The following EN2 variants were observed in gnomAD, a reference collection of about 807,000 sequenced individuals.
EN2 encodes homeobox protein engrailed-2.
A neutral mutation model predicts 25.0 loss-of-function variants in EN2; 7 were observed. The ratio of observed to expected loss-of-function variants is 0.28; its 90% CI spans 0.16 to 0.53. EN2 has a LOEUF of 0.53. Ranked by LOEUF, EN2 falls within the 20% of genes least tolerant of loss-of-function variation. The pLI is 0.96. For missense variants in EN2, 524 were observed against 501.8 expected, an observed-to-expected ratio of 1.04 and a Z score of -0.42; for synonymous variants, 277 against 243.3, an observed-to-expected ratio of 1.14 and a Z score of -1.29.
rs1014148152 is a variant in EN2, at chr7:155,464,273, T to C, written c.*1586T>C. ...TATAAACAAACACATTATCTATATA[T>C]AACGCCACACTGTCTTCTGTTTAGT... On this transcript the variant is annotated 3_prime_UTR_variant, in exon 2 of 2. Transcript: ENST00000297375. The C allele has an allele frequency of 1.3e-5, 2 of 152,314 alleles. No homozygotes were observed. The highest frequency in any genetic ancestry group is 4.8e-5 in the African/African-American group (2 of 41,460). 9.4% of individuals were successfully genotyped at this position (152,314 alleles called of 1,614,324 possible).
intron 1 of EN2, among the ~76,000 whole-genome samples, chr7:155,461,285 C>A (rs1258082875): frequency 6.6e-6 from 1 of 152,242 alleles, no homozygotes; most frequent in Non-Finnish European, 1.5e-5. Flanking sequence ...GGCGAGGTCA[C>A]CACTCCCTGC....
At chr7:155,459,588 C>T (rs1456292932) in intron 1 of EN2, among the ~76,000 whole-genome samples, 1 of 152,274 alleles carries the variant, frequency 6.6e-6, no homozygotes, top group Non-Finnish European at 1.5e-5. Context: ...AAGGCGAGGC[C>T]CTTTGCCGCT....
In EN2 at chr7:155,462,648, C is replaced by T. The variant is rs772842405; in HGVS notation, c.963C>T (p.His321=). 6 of 1,605,966 alleles carry T rather than the reference C, an allele frequency of 3.7e-6. No individual in the cohort carries two copies. The highest frequency in any genetic ancestry group is 1.3e-5 in the African/African-American group (1 of 74,772). ...VHLMAQGLYN[H]STTAKEGKSD... Reference sequence around the variant, plus strand: ...TCATGGCACAGGGCTTGTACAACCACTCCACCACAGCCAAGGAGGGCAAGT... The same window carrying T: ...TCATGGCACAGGGCTTGTACAACCATTCCACCACAGCCAAGGAGGGCAAGT... Residue 321 remains histidine, a synonymous_variant, in exon 2 of 2, where the codon CAC becomes CAT. Transcript: ENST00000297375.
At position 155,458,648 on chromosome 7, in the gene EN2, G is replaced by A; in HGVS notation, c.271G>A (p.Gly91Ser). The A allele has an allele frequency of 7.1e-7, 1 of 1,408,048 alleles. No homozygotes were observed. Among genetic ancestry groups the A allele is most frequent in the South Asian group, 1.6e-5 (1 of 62,922 alleles). 87.2% of individuals were successfully genotyped at this position (1,408,048 alleles called of 1,614,324 possible). A position where few individuals can be genotyped will look rare whatever the true frequency, so the allele number is the denominator to read the frequency against. The change falls in exon 1 of 2, where the codon GGC becomes AGC. Residue 91 changes from glycine to serine, a missense_variant. By Grantham distance (56) the Gly-to-Ser change is moderately conservative (BLOSUM62 0). Coordinates refer to ENST00000297375, the MANE Select transcript of EN2 (RefSeq NM_001427.4). ...RRKDAGTCCA[G>S]AGGGRGGGAG... ...AAAGGACGCGGGGACCTGCTGTGCG[G>A]GCGCGGGAGGAGGAAGGGGCGGCGG...
Position 155,462,835 on chromosome 7 carries a change from TC to T in EN2, c.*149del. On this transcript the variant is annotated 3_prime_UTR_variant, in exon 2 of 2. Transcript: ENST00000297375. ...GGTTCTGAAATATTCTATGTATATATCATTTACAGGTGGTATAAAATCCAAA... is the reference window on the plus strand; with the variant it reads ...GGTTCTGAAATATTCTATGTATATATATTTACAGGTGGTATAAAATCCAAA... 4.1e-6 allele frequency: 4 copies of T among 985,316 alleles called. No homozygotes were observed. Among genetic ancestry groups the T allele is most frequent in the Non-Finnish European group, 4.2e-6 (3 of 713,686 alleles). 61.0% of individuals were successfully genotyped at this position (985,316 alleles called of 1,614,324 possible).
chr7:155,458,972 A>T lies in EN2; in HGVS notation c.595A>T (p.Ser199Cys), dbSNP rs1795663576. The change falls in exon 1 of 2, where the codon AGC (serine) becomes TGC (cysteine). Residue 199 changes from serine to cysteine, a missense_variant. Transcript: ENST00000297375. ...GDLSVSSDSDSSQAGANLGAQ... is the reference protein window; with the variant it reads ...GDLSVSSDSDCSQAGANLGAQ... ...CCTGTCGGTGAGCTCGGACTCGGAC[A>T]GCTCGCAAGCCGGCGCCAACCTGGG... 1.9e-6 allele frequency: 3 copies of T among 1,541,732 alleles called. No homozygotes were observed. The highest frequency in any genetic ancestry group is 1.2e-5 in the South Asian group (1 of 84,828).
Position 155,463,814 on chromosome 7 carries a change from G to A in EN2, c.*1127G>A, listed in dbSNP as rs1181871934. 2 of 152,266 alleles carry A rather than the reference G, an allele frequency of 1.3e-5. No individual in the cohort carries two copies. The highest frequency in any genetic ancestry group is 4.8e-5 in the African/African-American group (2 of 41,472). 9.4% of individuals were successfully genotyped at this position (152,266 alleles called of 1,614,324 possible). A position where few individuals can be genotyped will look rare whatever the true frequency, so the allele number is the denominator to read the frequency against. On this transcript the variant is annotated 3_prime_UTR_variant, in exon 2 of 2. Coordinates refer to ENST00000297375, the MANE Select transcript of EN2 (RefSeq NM_001427.4). ...TGAGGCCATGGCTCACTGTTTCTGGGCGGGCAGAAGGCTCTGTAGAGGGAG... is the reference window on the plus strand; with the variant it reads ...TGAGGCCATGGCTCACTGTTTCTGGACGGGCAGAAGGCTCTGTAGAGGGAG...
chr7:155,458,652 CG>C lies in EN2; in HGVS notation c.278del (p.Gly93GlufsTer101). 1 of 1,401,818 alleles carries C rather than the reference CG, an allele frequency of 7.1e-7. No individual in the cohort carries two copies. The allele number at this position is 1,401,818 out of a possible 1,614,324, so 86.8% of individuals were successfully genotyped here. A position where few individuals can be genotyped will look rare whatever the true frequency, so the allele number is the denominator to read the frequency against. ...RKDAGTCCAG[A>X]GGGRGGGAGG... The stretch of plus-strand genomic sequence containing the variant: ...GACGCGGGGACCTGCTGTGCGGGCG[CG>C]GGAGGAGGAAGGGGCGGCGGAGCCG... On this transcript the variant is annotated frameshift_variant, in exon 1 of 2. Transcript: ENST00000297375. LOFTEE classifies it high-confidence loss of function.
At position 155,458,356 on chromosome 7, in the gene EN2, T is replaced by C; in HGVS notation, c.-22T>C. On this transcript the variant is annotated 5_prime_UTR_variant, in exon 1 of 2. Transcript: ENST00000297375. ...TGGAAGGGCGTCCCCGGAGAACCAG[T>C]GTGGGATTTACTGTGAACAGCATGG... 1 of 1,285,196 alleles carries C rather than the reference T, an allele frequency of 7.8e-7. No homozygotes were observed. Among genetic ancestry groups the C allele is most frequent in the Non-Finnish European group, 9.9e-7 (1 of 1,009,728 alleles). 79.6% of individuals were successfully genotyped at this position (1,285,196 alleles called of 1,614,324 possible). A position where few individuals can be genotyped will look rare whatever the true frequency, so the allele number is the denominator to read the frequency against.
Position 155,463,165 on chromosome 7 carries a change from G to A in EN2, c.*478G>A, listed in dbSNP as rs1795716709. ...TTGTGTTGGCTTGGTGAGGACAGCA[G>A]GAGGGGCCCACACCTCAAGCCTGGA... On this transcript the variant is annotated 3_prime_UTR_variant, in exon 2 of 2. Coordinates refer to ENST00000297375, the MANE Select transcript of EN2 (RefSeq NM_001427.4). 1 of 155,162 alleles carries A rather than the reference G, an allele frequency of 6.4e-6. No individual in the cohort carries two copies. The highest frequency in any genetic ancestry group is 6.5e-5 in the Admixed American group (1 of 15,372). 9.6% of individuals were successfully genotyped at this position (155,162 alleles called of 1,614,324 possible).
rs1266719649 is a variant in EN2 at position 155,458,319 on chromosome 7, C to T, written c.-59C>T. ...GTCTCCGTGTGCGCCGCGGGAGGGC[C>T]GAAGGCTGATTTGGAAGGGCGTCCC... On this transcript the variant is annotated 5_prime_UTR_variant, in exon 1 of 2. Coordinates refer to ENST00000297375, the MANE Select transcript of EN2 (RefSeq NM_001427.4). 6 of 1,265,882 alleles carry T rather than the reference C, an allele frequency of 4.7e-6. No homozygotes were observed. The highest frequency in any genetic ancestry group is 6.0e-6 in the Non-Finnish European group (6 of 999,142). The allele number at this position is 1,265,882 out of a possible 1,614,324, so 78.4% of individuals were successfully genotyped here. A position where few individuals can be genotyped will look rare whatever the true frequency, so the allele number is the denominator to read the frequency against.
chr7:155,458,464 G>C lies in EN2; in HGVS notation c.87G>C (p.Ser29=). 7.7e-7 allele frequency: 1 copy of C among 1,301,132 alleles called. No individual in the cohort carries two copies. Among genetic ancestry groups the C allele is most frequent in the Non-Finnish European group, 9.8e-7 (1 of 1,024,002 alleles). The allele number at this position is 1,301,132 out of a possible 1,614,324, so 80.6% of individuals were successfully genotyped here. The change falls in exon 1 of 2, where the codon TCG becomes TCC. Residue 29 remains serine, a synonymous_variant. Coordinates refer to ENST00000297375, the MANE Select transcript of EN2 (RefSeq NM_001427.4). ...RQPESSPGGG[S]GGGGGSSPGE... ...CGGAATCCAGCCCCGGCGGCGGCTC[G>C]GGCGGCGGCGGCGGTAGCAGCCCGG...
In EN2 at chr7:155,462,444, C is replaced by T. The variant is rs753930381; in HGVS notation, c.759C>T (p.Ala253=). 22 of 1,614,024 alleles carry T rather than the reference C, an allele frequency of 1.4e-5. No homozygotes were observed. Among genetic ancestry groups the T allele is most frequent in the African/African-American group, 9.3e-5 (7 of 74,934 alleles). The part of the protein sequence containing the change: ...EDKRPRTAFT[A]EQLQRLKAEF... ...AGCGGCCGCGCACGGCCTTTACCGC[C>T]GAGCAGCTGCAGAGGCTCAAGGCCG... is the stretch of plus-strand genomic sequence containing the variant. The change falls in exon 2 of 2, where the codon GCC becomes GCT. Residue 253 remains alanine, a synonymous_variant. Coordinates refer to ENST00000297375, the MANE Select transcript of EN2 (RefSeq NM_001427.4).
rs1312987017 is a variant in EN2 at position 155,464,132 on chromosome 7, TATC to T, written c.*1450_*1452del. 2.6e-5 allele frequency: 4 copies of T among 152,258 alleles called. No individual in the cohort carries two copies. The highest frequency in any genetic ancestry group is 2.6e-4 in the Admixed American group (4 of 15,292). The allele number at this position is 152,258 out of a possible 1,614,324, so 9.4% of individuals were successfully genotyped here. A position where few individuals can be genotyped will look rare whatever the true frequency, so the allele number is the denominator to read the frequency against. On this transcript the variant is annotated 3_prime_UTR_variant, in exon 2 of 2. Transcript: ENST00000297375. The stretch of plus-strand genomic sequence containing the variant: ...AGAAAGTGTGTAAATAATCATTTCT[TATC>T]ATCACTTTTTGTCTTTTCTTGTTTT...
At chr7:155,460,045 C>T (rs2116600582) in intron 1 of EN2, among the ~76,000 whole-genome samples, 1 of 152,360 alleles carries the variant, frequency 6.6e-6, no homozygotes, top group South Asian at 2.1e-4. Flanking sequence ...AAACCCTCAA[C>T]TATTTTGCGG....
Position 155,458,965 on chromosome 7 carries a change from C to G in EN2, c.588C>G (p.Asp196Glu). Residue 196 changes from aspartate (D) to glutamate (E), a missense_variant, in exon 1 of 2, where the codon GAC (aspartate) becomes GAG (glutamate). Transcript: ENST00000297375. ...LGGGDLSVSS[D>E]SDSSQAGANL... ...GCGGCGACCTGTCGGTGAGCTCGGA[C>G]TCGGACAGCTCGCAAGCCGGCGCCA... 1.3e-6 allele frequency: 2 copies of G among 1,537,144 alleles called. No individual in the cohort carries two copies. The highest frequency in any genetic ancestry group is 2.8e-5 in the African/African-American group (2 of 71,058).
Position 155,458,309 on chromosome 7 carries a change from G to C in EN2, c.-69G>C. ...GGGCGCGGGGGTCTCCGTGTGCGCC[G>C]CGGGAGGGCCGAAGGCTGATTTGGA... On this transcript the variant is annotated 5_prime_UTR_variant, in exon 1 of 2. Coordinates refer to ENST00000297375, the MANE Select transcript of EN2 (RefSeq NM_001427.4). The C allele has an allele frequency of 8.0e-7, 1 of 1,256,546 alleles. No individual in the cohort carries two copies. Among genetic ancestry groups the C allele is most frequent in the Non-Finnish European group, 1.0e-6 (1 of 994,120 alleles). The allele number at this position is 1,256,546 out of a possible 1,614,324, so 77.8% of individuals were successfully genotyped here. A position where few individuals can be genotyped will look rare whatever the true frequency, so the allele number is the denominator to read the frequency against.
rs73734523 is a variant in EN2 at position 155,459,382 on chromosome 7, C to T, written c.685+320C>T. Among the ~76,000 whole-genome samples the T allele has an allele frequency of 3.2e-3, 481 of 152,320 alleles. 3 individuals are homozygous for T. The highest frequency in any genetic ancestry group is 0.011 in the African/African-American group (442 of 41,584). The stretch of plus-strand genomic sequence containing the variant: ...TCCACCCCGCCTTGGCGCATCTCTT[C>T]CCAGCCCCTAGCCCATGTCTCCCCC... On this transcript the variant is annotated intron_variant, in intron 1 of 1. Transcript: ENST00000297375.
In EN2 at chr7:155,458,622, GA is replaced by G; in HGVS notation, c.248del (p.Lys83ArgfsTer111). On this transcript the variant is annotated frameshift_variant, in exon 1 of 2. Transcript: ENST00000297375. LOFTEE classifies it high-confidence loss of function. ...DNILRPEFGR[R>X]KDAGTCCAGA... ...ATCCTGCGGCCCGAGTTCGGCCGGC[GA>G]AAGGACGCGGGGACCTGCTGTGCGG... 1.4e-6 allele frequency: 2 copies of G among 1,460,758 alleles called. No homozygotes were observed. Among genetic ancestry groups the G allele is most frequent in the Admixed American group, 2.5e-5 (1 of 39,226 alleles). 90.5% of individuals were successfully genotyped at this position (1,460,758 alleles called of 1,614,324 possible).
Sources: allele counts gnomAD v4.1 joint callset (sites outside exome capture counted in the v4.1 genomes callset), GRCh38; gene constraint gnomAD v4.1.1; transcripts MANE v1.5; gene names NCBI Gene and HGNC (gene_info 2026-07-23, HGNC 2026-07-21).